Variants in HTR7 observed in about 807,000 individuals in gnomAD.
The protein encoded by HTR7 is 5-HT-7.
A neutral mutation model predicts 34.0 loss-of-function variants in HTR7; 16 were observed. The observed-to-expected ratio is 0.47, with a 90% CI of 0.32 to 0.71. The LOEUF is 0.71. HTR7 is among the 30% of genes least tolerant of loss of function. The pLI, the probability that HTR7 is intolerant of heterozygous loss-of-function variation, is 0.04. For synonymous variants in HTR7, 265 were observed against 260.2 expected, an observed-to-expected ratio of 1.02 and a Z score of -0.18; for missense variants, 504 against 625.5, an observed-to-expected ratio of 0.81 and a Z score of 2.07.
At chr10:90,817,250 T>G (rs186048367) in intron 1 of HTR7, among the ~76,000 whole-genome samples, 10 of 152,138 alleles carry the variant, frequency 6.6e-5, no homozygotes, top group African/African-American at 2.4e-4. Context: ...ACAGCCATGG[T>G]GAAATGGGAA....
chr10:90,776,448 G>A (rs1408641724), intron 1 of HTR7, among the ~76,000 whole-genome samples: 2 of 152,180 alleles, frequency 1.3e-5, no homozygotes, highest in Non-Finnish European at 2.9e-5. Flanking sequence ...CAGCAGGTAG[G>A]TAATCTTTAT....
chr10:90,769,541 T>C (rs1157834825), intron 1 of HTR7, among the ~76,000 whole-genome samples: 1 of 152,228 alleles, frequency 6.6e-6, no homozygotes, highest in African/African-American at 2.4e-5. Context: ...CAAATGTTCA[T>C]ATATTTCCAC....
intron 1 of HTR7, among the ~76,000 whole-genome samples, chr10:90,798,467 G>A (rs187534908): frequency 4.6e-5 from 7 of 152,236 alleles, no homozygotes; most frequent in Admixed American, 4.6e-4. Context: ...ACTCATGCCT[G>A]GTGCTGGGAG....
chr10:90,749,162 T>G lies in HTR7; in HGVS notation c.972A>C (p.Lys324Asn). ...KNISIFKREQ[K>N]AATTLGIIVG... ...CGATGATCCCCAGGGTGGTGGCTGC[T>G]TTCTGTTCTCGCTTAAAGATGGAGA... is the stretch of plus-strand genomic sequence containing the variant. The change falls in exon 2 of 4, where the codon AAA becomes AAC. Residue 324 changes from lysine (K) to asparagine (N), a missense_variant. Lys to Asn is a moderately conservative substitution (Grantham distance 94). Coordinates refer to ENST00000336152, the MANE Select transcript of HTR7 (RefSeq NM_019859.4). The surrounding 1 kb of genome is among the most constrained non-coding windows in gnomAD (Gnocchi z 4.2). 1.2e-6 allele frequency: 2 copies of G among 1,614,112 alleles called. No individual in the cohort carries two copies. The highest frequency in any genetic ancestry group is 1.7e-6 in the Non-Finnish European group (2 of 1,180,006).
intron 1 of HTR7, among the ~76,000 whole-genome samples, chr10:90,848,627 G>A (rs1206051539): frequency 6.6e-6 from 1 of 152,076 alleles, no homozygotes; most frequent in Non-Finnish European, 1.5e-5. Flanking sequence ...TGAATAAATC[G>A]ACCATAAGTT....
intron 1 of HTR7, among the ~76,000 whole-genome samples, chr10:90,772,264 T>G (rs1474841127): frequency 6.6e-6 from 1 of 152,168 alleles, no homozygotes; most frequent in Admixed American, 6.5e-5. Flanking sequence ...TATCCTCATA[T>G]CCTTTTGATG....
At chr10:90,815,723 TAA>T (rs1342999275) in intron 1 of HTR7, among the ~76,000 whole-genome samples, 1 of 151,792 alleles carries the variant, frequency 6.6e-6, no homozygotes, top group Non-Finnish European at 1.5e-5. Context: ...CTCCTGAACT[TAA>T]AAGTTGAAGA....
At chr10:90,769,432 G>A (rs1239598019) in intron 1 of HTR7, among the ~76,000 whole-genome samples, 2 of 152,120 alleles carry the variant, frequency 1.3e-5, no homozygotes, top group Non-Finnish European at 2.9e-5. Flanking sequence ...ACTAACAAAC[G>A]TGTTTAATAT....
In HTR7 at chr10:90,857,680, C is replaced by A; in HGVS notation, c.-9G>T. 2 of 1,533,894 alleles carry A rather than the reference C, an allele frequency of 1.3e-6. No individual in the cohort carries two copies. The highest frequency in any genetic ancestry group is 5.0e-5 in the East Asian group (2 of 39,758). On this transcript the variant is annotated 5_prime_UTR_variant, in exon 1 of 4. Transcript: ENST00000336152. The surrounding 1 kb of genome is among the most constrained non-coding windows in gnomAD (Gnocchi z 6.5). ...CTGTTAACGTCCATCATCGCGCCGC[C>A]GTGTGCCGCTGCCCATGGAGCCGGC...
chr10:90,788,394 A>G (rs1007114662), intron 1 of HTR7, among the ~76,000 whole-genome samples: 3 of 152,224 alleles, frequency 2.0e-5, no homozygotes, highest in African/African-American at 4.8e-5. Context: ...TCACAATACA[A>G]TAGGGATGAT....
intron 1 of HTR7, among the ~76,000 whole-genome samples, chr10:90,813,101 C>A (rs7079267): frequency 0.28 from 42,243 of 151,496 alleles, 6,430 homozygotes; most frequent in African/African-American, 0.41. Context: ...CTTTGACTGT[C>A]ATTTTCCTTT....
chr10:90,761,778 A>G (rs1297010773), intron 1 of HTR7, among the ~76,000 whole-genome samples: 1 of 152,036 alleles, frequency 6.6e-6, no homozygotes. Flanking sequence ...AGTTTGGACC[A>G]ACATATCCCC....
intron 1 of HTR7, among the ~76,000 whole-genome samples, chr10:90,853,456 G>GTTTCT (rs1846531187): frequency 1.4e-5 from 2 of 142,892 alleles, no homozygotes; most frequent in South Asian, 2.2e-4. Context: ...TGGCTTTTTT[G>GTTTCT]TTTCTTTTCT....
chr10:90,807,124 A>C (rs939157354), intron 1 of HTR7, among the ~76,000 whole-genome samples: 1 of 152,228 alleles, frequency 6.6e-6, no homozygotes, highest in African/African-American at 2.4e-5. Context: ...TAAATACGAC[A>C]GAGTGGAAAA....
intron 1 of HTR7, among the ~76,000 whole-genome samples, chr10:90,825,668 G>GA (rs1846060448): frequency 2.6e-5 from 4 of 152,082 alleles, no homozygotes; most frequent in South Asian, 2.1e-4. Flanking sequence ...TTCATAATTT[G>GA]AAAAAATCAA....
chr10:90,805,001 A>C (rs757170179), intron 1 of HTR7, among the ~76,000 whole-genome samples: 1 of 152,230 alleles, frequency 6.6e-6, no homozygotes, highest in Non-Finnish European at 1.5e-5. Context: ...AGTTGTAAGC[A>C]GACAGATGCC....
chr10:90,824,544 C>T (rs1475547342), intron 1 of HTR7, among the ~76,000 whole-genome samples: 2 of 152,214 alleles, frequency 1.3e-5, no homozygotes, highest in African/African-American at 4.8e-5. Flanking sequence ...AGTTTGGCCA[C>T]AGCTGGGTAG....
chr10:90,846,245 A>C (rs184823959), intron 1 of HTR7, among the ~76,000 whole-genome samples: 1 of 152,350 alleles, frequency 6.6e-6, no homozygotes, highest in East Asian at 1.9e-4. Flanking sequence ...AAGTAATCTT[A>C]TACAATATTC....
chr10:90,780,330 G>A (rs1384907096), intron 1 of HTR7, among the ~76,000 whole-genome samples: 2 of 152,200 alleles, frequency 1.3e-5, no homozygotes, highest in Non-Finnish European at 2.9e-5. Flanking sequence ...GAGGTCAGGA[G>A]TTCGAGACCA....
Sources: gnomAD v4.1 joint callset for allele counts (sites outside exome capture counted in the v4.1 genomes callset) on GRCh38, gnomAD v4.1.1 for gene constraint, Gnocchi (gnomAD v3.1) non-coding constraint, MANE v1.5 for transcripts, NCBI Gene and HGNC (gene_info 2026-07-23, HGNC 2026-07-21) for gene names.